The following LRRTM4 variants were observed in gnomAD, a reference collection of about 807,000 sequenced individuals.
The protein encoded by LRRTM4 is leucine rich repeat transmembrane neuronal 4, also known as leucine-rich repeat transmembrane neuronal protein 4.
Under a neutral mutation model 47.6 loss-of-function variants are expected in LRRTM4, and 25 were observed. That is an observed-to-expected ratio of 0.53 (90% CI 0.38 to 0.73). LRRTM4 has a LOEUF of 0.73. Ranked by LOEUF, LRRTM4 falls within the 30% of genes least tolerant of loss-of-function variation. The pLI is 0.00. For missense variants in LRRTM4, 638 were observed against 713.4 expected, an observed-to-expected ratio of 0.89 and a Z score of 1.20; for synonymous variants, 311 against 269.5, an observed-to-expected ratio of 1.15 and a Z score of -1.51.
At chr2:77,323,545 T>C (rs2104232400) in intron 3 of LRRTM4, among the ~76,000 whole-genome samples, 1 of 152,264 alleles carries the variant, frequency 6.6e-6, no homozygotes, top group Non-Finnish European at 1.5e-5. Context: ...CTAATCACAA[T>C]GGCATTGATA....
intron 3 of LRRTM4, among the ~76,000 whole-genome samples, chr2:76,844,570 A>G (rs1671784421): frequency 6.6e-6 from 1 of 152,154 alleles, no homozygotes; most frequent in South Asian, 2.1e-4. Flanking sequence ...TTACTACTCT[A>G]TAATGTAGTT....
At chr2:77,068,685 C>T (rs1410548804) in intron 3 of LRRTM4, among the ~76,000 whole-genome samples, 2 of 152,166 alleles carry the variant, frequency 1.3e-5, no homozygotes, top group African/African-American at 4.8e-5. Flanking sequence ...TGTGTGGATA[C>T]ACTACATTTT....
At chr2:76,910,420 G>T (rs1674010514) in intron 3 of LRRTM4, among the ~76,000 whole-genome samples, 1 of 151,936 alleles carries the variant, frequency 6.6e-6, no homozygotes, top group Admixed American at 6.6e-5. Context: ...TGGGTGCAGA[G>T]CACCAGCATG....
chr2:76,765,989 T>C (rs1034284081), intron 3 of LRRTM4, among the ~76,000 whole-genome samples: 5 of 152,106 alleles, frequency 3.3e-5, no homozygotes, highest in African/African-American at 1.2e-4. Flanking sequence ...AATAATTGAG[T>C]GGTGGCTTTA....
intron 3 of LRRTM4, among the ~76,000 whole-genome samples, chr2:77,193,304 T>C (rs1053996902): frequency 2.0e-5 from 3 of 152,176 alleles, no homozygotes; most frequent in African/African-American, 7.2e-5. Context: ...AAACAAAGCA[T>C]TTCTCAGACA....
intron 3 of LRRTM4, among the ~76,000 whole-genome samples, chr2:77,509,007 A>C (rs1261577068): frequency 6.6e-6 from 1 of 152,052 alleles, no homozygotes; most frequent in East Asian, 1.9e-4. Flanking sequence ...CAGGGCGGGC[A>C]GATCACCCGA....
intron 3 of LRRTM4, among the ~76,000 whole-genome samples, chr2:76,771,654 AAAAGAAAAAG>A (rs1289430628): frequency 3.4e-5 from 4 of 118,460 alleles, no homozygotes; most frequent in Non-Finnish European, 3.4e-5. Flanking sequence ...AAAAAAAAAA[AAAAGAAAAAG>A]AAAAGAAGAA....
intron 3 of LRRTM4, among the ~76,000 whole-genome samples, chr2:77,264,413 T>C (rs1187474182): frequency 6.6e-6 from 1 of 152,104 alleles, no homozygotes; most frequent in African/African-American, 2.4e-5. Context: ...ATCAGATCCA[T>C]ACCCCATCCT....
At chr2:77,513,147 T>C (rs923457622) in intron 3 of LRRTM4, among the ~76,000 whole-genome samples, 1 of 152,178 alleles carries the variant, frequency 6.6e-6, no homozygotes, top group African/African-American at 2.4e-5. Flanking sequence ...GAGTGTGCAC[T>C]CATGTGCTCA....
chr2:77,207,522 A>T lies in LRRTM4; in HGVS notation c.1551+310796T>A, dbSNP rs1674169098. On this transcript the variant is annotated intron_variant, in intron 3 of 3. Transcript: ENST00000409884. ...AGCTTATAATTGATGCTGACTCTCAACCTGGCTGTGACTTATTGTTCATTG... is the reference window on the plus strand; with the variant it reads ...AGCTTATAATTGATGCTGACTCTCATCCTGGCTGTGACTTATTGTTCATTG... 2.0e-5 allele frequency among the ~76,000 whole-genome samples: 3 copies of T among 151,910 alleles called. No individual in the cohort carries two copies. The South Asian group carries it at 6.2e-4, about 32-fold the overall frequency.
chr2:76,867,381 T>A (rs1672497497), intron 3 of LRRTM4, among the ~76,000 whole-genome samples: 1 of 152,176 alleles, frequency 6.6e-6, no homozygotes, highest in South Asian at 2.1e-4. Flanking sequence ...TAAACCAAAT[T>A]GGACACAAAT....
chr2:77,318,029 C>T (rs1677667452), intron 3 of LRRTM4, among the ~76,000 whole-genome samples: 1 of 106,206 alleles, frequency 9.4e-6, no homozygotes, highest in African/African-American at 3.9e-5. Flanking sequence ...TTTTTTTAGA[C>T]GGAGTCTCGC....
intron 3 of LRRTM4, among the ~76,000 whole-genome samples, chr2:76,996,526 A>C (rs1160742279): frequency 6.7e-6 from 1 of 148,368 alleles, no homozygotes; most frequent in South Asian, 2.1e-4. Context: ...ATCAAGTAAA[A>C]TTTTGCTTAA....
At chr2:76,852,767 A>G (rs1672035802) in intron 3 of LRRTM4, among the ~76,000 whole-genome samples, 1 of 152,148 alleles carries the variant, frequency 6.6e-6, no homozygotes, top group Non-Finnish European at 1.5e-5. Flanking sequence ...CGAAACAAAT[A>G]CACTTAAATA....
chr2:77,321,211 C>T (rs568552499), intron 3 of LRRTM4, among the ~76,000 whole-genome samples: 1 of 152,108 alleles, frequency 6.6e-6, no homozygotes, highest in Non-Finnish European at 1.5e-5. Context: ...AAATGTTTCT[C>T]TCTTGCATGC....
At chr2:77,310,993 T>A (rs772608544) in intron 3 of LRRTM4, among the ~76,000 whole-genome samples, 1 of 148,820 alleles carries the variant, frequency 6.7e-6, no homozygotes, top group Non-Finnish European at 1.5e-5. Context: ...TTTACACACA[T>A]ATATATATAG....
intron 3 of LRRTM4, among the ~76,000 whole-genome samples, chr2:76,801,262 C>G (rs1027494680): frequency 6.6e-6 from 1 of 151,978 alleles, no homozygotes; most frequent in African/African-American, 2.4e-5. Flanking sequence ...TTGGAACCAA[C>G]CCAAATGTCC....
chr2:76,979,162 T>C (rs140332901), intron 3 of LRRTM4, among the ~76,000 whole-genome samples: 20 of 152,138 alleles, frequency 1.3e-4, no homozygotes, highest in African/African-American at 4.8e-4. Context: ...CAGACATGCA[T>C]AGGATCACAT....
chr2:76,887,837 C>T (rs1673126547), intron 3 of LRRTM4, among the ~76,000 whole-genome samples: 1 of 151,076 alleles, frequency 6.6e-6, no homozygotes, highest in Middle Eastern at 3.5e-3. Context: ...TAATTTACTA[C>T]TTACTGGATG....
Sources: gnomAD v4.1 joint callset for allele counts (sites outside exome capture counted in the v4.1 genomes callset) on GRCh38, gnomAD v4.1.1 for gene constraint, MANE v1.5 for transcripts, NCBI Gene and HGNC (gene_info 2026-07-23, HGNC 2026-07-21) for gene names.